Variants in KCNIP4 observed in about 807,000 individuals in gnomAD.
The protein encoded by KCNIP4 is Kv channel-interacting protein 4.
Under a neutral mutation model 34.0 loss-of-function variants are expected in KCNIP4, and 12 were observed. The ratio of observed to expected loss-of-function variants is 0.35; its 90% CI spans 0.23 to 0.57. KCNIP4 has a LOEUF of 0.57. Among genes scored for constraint, KCNIP4 ranks in the 20% least tolerant of loss-of-function variants. KCNIP4 has a pLI of 0.83. For synonymous variants in KCNIP4, 124 were observed against 102.2 expected (o/e 1.21, Z -1.29); for missense variants, 238 against 311.7 (o/e 0.76, Z 1.78).
chr4:21,525,596 C>A (rs1241915540), intron 1 of KCNIP4, among the ~76,000 whole-genome samples: 1 of 151,726 alleles, frequency 6.6e-6, no homozygotes, highest in Non-Finnish European at 1.5e-5. Flanking sequence ...TCTGTAATGA[C>A]ATTTGTTTTT....
At chr4:21,358,942 G>A (rs1718938258) in intron 1 of KCNIP4, among the ~76,000 whole-genome samples, 1 of 152,004 alleles carries the variant, frequency 6.6e-6, no homozygotes, top group Non-Finnish European at 1.5e-5. Context: ...TCTTATATAT[G>A]TTGATTAATG....
chr4:21,501,248 T>TCTCTCACACACACACACACACACACA (rs764571152), intron 1 of KCNIP4, among the ~76,000 whole-genome samples: 1 of 104,190 alleles, frequency 9.6e-6, no homozygotes, highest in South Asian at 3.9e-4. Flanking sequence ...TCTCTCTCTC[T>TCTCTCACACACACACACACACACACA]CACACACACA....
chr4:21,133,658 C>T lies in KCNIP4; in HGVS notation c.62-250949G>A, dbSNP rs1331454383. On this transcript the variant is annotated intron_variant, in intron 1 of 8. Coordinates refer to ENST00000382152, the MANE Select transcript of KCNIP4 (RefSeq NM_025221.6). Reference sequence around the variant, plus strand: ...AAATGCCACTTAGTAAATGCCATTCCTATTTGCTAAATACTGACAGTTAAG... The same window carrying T: ...AAATGCCACTTAGTAAATGCCATTCTTATTTGCTAAATACTGACAGTTAAG... 1.0e-4 allele frequency among the ~76,000 whole-genome samples: 4 copies of T among 39,064 alleles called. No homozygotes were observed. The East Asian group carries it at 1.0e-3, about 10-fold the overall frequency. The allele number at this position is 39,064 out of a possible 152,430, so 25.6% of individuals were successfully genotyped here. A position where few individuals can be genotyped will look rare whatever the true frequency, so the allele number is the denominator to read the frequency against.
intron 1 of KCNIP4, among the ~76,000 whole-genome samples, chr4:21,789,317 A>C (rs1458486759): frequency 6.6e-6 from 1 of 152,122 alleles, no homozygotes; most frequent in Non-Finnish European, 1.5e-5. Flanking sequence ...ATGTAAGTAA[A>C]TTTCAGGTGC....
In KCNIP4 at chr4:21,762,909, G is replaced by C. The variant is rs970155168; in HGVS notation, c.61+185662C>G. Reference sequence around the variant, plus strand: ...GGGGTGTAGGTGGATGGAATTGGAGGGAAGGACTCACATGATGATCTGACA... The same window carrying C: ...GGGGTGTAGGTGGATGGAATTGGAGCGAAGGACTCACATGATGATCTGACA... On this transcript the variant is annotated intron_variant, in intron 1 of 8. Coordinates refer to ENST00000382152, the MANE Select transcript of KCNIP4 (RefSeq NM_025221.6). 4 of 1,286,774 alleles carry C rather than the reference G, an allele frequency of 3.1e-6. No individual in the cohort carries two copies. The African/African-American group carries it at 4.6e-5, about 15-fold the overall frequency. 79.7% of individuals were successfully genotyped at this position (1,286,774 alleles called of 1,614,324 possible). A position where few individuals can be genotyped will look rare whatever the true frequency, so the allele number is the denominator to read the frequency against.
intron 1 of KCNIP4, among the ~76,000 whole-genome samples, chr4:21,239,206 C>A (rs1466360285): frequency 6.7e-6 from 1 of 149,288 alleles, no homozygotes; most frequent in Non-Finnish European, 1.5e-5. Context: ...CTTCCTTACA[C>A]CTTATACAAA....
Position 20,987,893 on chromosome 4 carries a change from C to T in KCNIP4, c.62-105184G>A, listed in dbSNP as rs186088236. On this transcript the variant is annotated intron_variant, in intron 1 of 8. Coordinates refer to ENST00000382152, the MANE Select transcript of KCNIP4 (RefSeq NM_025221.6). ...GTGGGCGCCTGTAGTCCCAGCTATTCGGGAGGCTGAGGCAGGAGTACCTCG... is the reference window on the plus strand; with the variant it reads ...GTGGGCGCCTGTAGTCCCAGCTATTTGGGAGGCTGAGGCAGGAGTACCTCG... 7.5e-3 allele frequency among the ~76,000 whole-genome samples: 1,108 copies of T among 147,592 alleles called. 16 individuals are homozygous for T. The highest frequency in any genetic ancestry group is 0.027 in the African/African-American group (1,068 of 39,812).
rs1281543089 is a variant in KCNIP4 at position 21,556,920 on chromosome 4, C to CAAAAAAAAAAAAAAAAAAAAAAAAAAAAA, written c.61+391650_61+391651insTTTTTTTTTTTTTTTTTTTTTTTTTTTTT. 2.2e-4 allele frequency among the ~76,000 whole-genome samples: 8 copies of CAAAAAAAAAAAAAAAAAAAAAAAAAAAAA among 35,658 alleles called. 1 individual carries two copies. The highest frequency in any genetic ancestry group is 1.3e-3 in the East Asian group (1 of 798). The allele number at this position is 35,658 out of a possible 152,430, so 23.4% of individuals were successfully genotyped here. A position where few individuals can be genotyped will look rare whatever the true frequency, so the allele number is the denominator to read the frequency against. On this transcript the variant is annotated intron_variant, in intron 1 of 8. Coordinates refer to ENST00000382152, the MANE Select transcript of KCNIP4 (RefSeq NM_025221.6). ...TGATCAACAAAGCAAGACTCCATCT[C>CAAAAAAAAAAAAAAAAAAAAAAAAAAAAA]AGAAAAAAAAAAAAAAAAAAAAACC...
intron 1 of KCNIP4, among the ~76,000 whole-genome samples, chr4:21,129,363 C>T (rs1384697865): frequency 1.3e-5 from 2 of 152,212 alleles, no homozygotes; most frequent in African/African-American, 4.8e-5. Context: ...ACAAAGTAGA[C>T]ACTCAATACA....
chr4:21,208,427 A>G (rs1211442659), intron 1 of KCNIP4, among the ~76,000 whole-genome samples: 26 of 152,254 alleles, frequency 1.7e-4, no homozygotes. Flanking sequence ...CCCCTCCAAA[A>G]TAGCAGACAA....
chr4:21,757,477 T>C (rs1451279198), intron 1 of KCNIP4, among the ~76,000 whole-genome samples: 1 of 152,128 alleles, frequency 6.6e-6, no homozygotes, highest in Non-Finnish European at 1.5e-5. Context: ...AGAATCACAA[T>C]ATTTATCATG....
At chr4:20,756,456 G>T (rs1365675285) in intron 4 of KCNIP4, among the ~76,000 whole-genome samples, 1 of 152,032 alleles carries the variant, frequency 6.6e-6, no homozygotes, top group Non-Finnish European at 1.5e-5. Context: ...TCTTCCCTGT[G>T]TATAAACAAT....
At chr4:21,256,684 T>C (rs2109092526) in intron 1 of KCNIP4, among the ~76,000 whole-genome samples, 2 of 152,284 alleles carry the variant, frequency 1.3e-5, no homozygotes, top group East Asian at 3.9e-4. Context: ...TTAATTTTAA[T>C]GCGAAGGAAA....
intron 1 of KCNIP4, among the ~76,000 whole-genome samples, chr4:21,444,745 T>C (rs537073159): frequency 6.6e-6 from 1 of 152,278 alleles, no homozygotes; most frequent in East Asian, 1.9e-4. Flanking sequence ...TCACCACTCC[T>C]ATTCAACACA....
intron 1 of KCNIP4, among the ~76,000 whole-genome samples, chr4:21,884,231 G>A (rs530123820): frequency 4.6e-5 from 7 of 152,080 alleles, no homozygotes; most frequent in Non-Finnish European, 2.9e-5. Flanking sequence ...CCAGTTCTTG[G>A]TGACAGGCTA....
chr4:21,732,453 T>C (rs920865332), intron 1 of KCNIP4, among the ~76,000 whole-genome samples: 5 of 152,194 alleles, frequency 3.3e-5, no homozygotes, highest in African/African-American at 1.2e-4. Flanking sequence ...GTGTTCTTTC[T>C]GGCTAGTCTG....
intron 1 of KCNIP4, among the ~76,000 whole-genome samples, chr4:21,577,224 C>T (rs16871489): frequency 0.038 from 5,845 of 152,210 alleles, 369 homozygotes; most frequent in African/African-American, 0.13. Context: ...AAACCCTTGA[C>T]TCTAACTGGA....
intron 1 of KCNIP4, among the ~76,000 whole-genome samples, chr4:21,826,344 G>A (rs948069063): frequency 1.3e-5 from 2 of 152,148 alleles, no homozygotes; most frequent in African/African-American, 4.8e-5. Context: ...ACTACTAAAT[G>A]AGTAAGACTC....
At chr4:21,213,222 C>T (rs1052836849) in intron 1 of KCNIP4, among the ~76,000 whole-genome samples, 9 of 152,032 alleles carry the variant, frequency 5.9e-5, no homozygotes, top group African/African-American at 1.2e-4. Context: ...GAAATTCCAT[C>T]GAATCCAATC....
Sources: allele counts gnomAD v4.1 joint callset (sites outside exome capture counted in the v4.1 genomes callset), GRCh38; gene constraint gnomAD v4.1.1; transcripts MANE v1.5; gene names NCBI Gene and HGNC (gene_info 2026-07-23, HGNC 2026-07-21).